The following MMAB variants were observed in gnomAD, a reference collection of about 807,000 sequenced individuals.
The protein encoded by MMAB is corrinoid adenosyltransferase MMAB.
MMAB carries 17 observed loss-of-function variants against 30.6 expected under a neutral mutation model. That is an observed-to-expected ratio of 0.56 (90% CI 0.38 to 0.83). The LOEUF is 0.83. Ranked by LOEUF, MMAB falls within the 40% of genes least tolerant of loss-of-function variation. The pLI is 0.00. For synonymous variants in MMAB, 134 were observed against 138.6 expected (o/e 0.97, Z 0.23); for missense variants, 311 against 331.6 (o/e 0.94, Z 0.48).
chr12:109,569,156 G>C lies in MMAB; in HGVS notation c.197-293C>G, dbSNP rs1019952285. Among the ~76,000 whole-genome samples the C allele has an allele frequency of 1.3e-5, 2 of 151,924 alleles. No homozygotes were observed. Among genetic ancestry groups the C allele is most frequent in the Non-Finnish European group, 2.9e-5 (2 of 68,000 alleles). ...AGACGGGTTTTCGCCCATGTTGGCC[G>C]AGCTAGTCTTGAACTCCTGGTCTCA... On this transcript the variant is annotated intron_variant, in intron 2 of 8. Transcript: ENST00000545712. The surrounding 1 kb of genome is among the most constrained non-coding windows in gnomAD (Gnocchi z 4.1).
chr12:109,554,147 TCAC>T lies in MMAB; in HGVS notation c.*2878_*2880del. The T allele has an allele frequency of 2.2e-6, 1 of 453,856 alleles. No homozygotes were observed. The highest frequency in any genetic ancestry group is 4.4e-6 in the Non-Finnish European group (1 of 226,600). The allele number at this position is 453,856 out of a possible 1,614,324, so 28.1% of individuals were successfully genotyped here. A position where few individuals can be genotyped will look rare whatever the true frequency, so the allele number is the denominator to read the frequency against. ...TGAGTGACGAGGCCGCGTCCGGGGC[TCAC>T]ATCTTGGCACTGACTCCCCAGGACA... On this transcript the variant is annotated 3_prime_UTR_variant, in exon 9 of 9. Transcript: ENST00000545712.
Position 109,569,860 on chromosome 12 carries a change from G to A in MMAB, c.197-997C>T, listed in dbSNP as rs1884575431. 1 of 159,526 alleles carries A rather than the reference G, an allele frequency of 6.3e-6. No homozygotes were observed. The highest frequency in any genetic ancestry group is 2.4e-5 in the African/African-American group (1 of 41,500). The allele number at this position is 159,526 out of a possible 1,614,324, so 9.9% of individuals were successfully genotyped here. A position where few individuals can be genotyped will look rare whatever the true frequency, so the allele number is the denominator to read the frequency against. On this transcript the variant is annotated intron_variant, in intron 2 of 8. Transcript: ENST00000545712. The surrounding 1 kb of genome is among the most constrained non-coding windows in gnomAD (Gnocchi z 4.1). ...CGACTGTGTCCAAACTCCAAAAGAT[G>A]ACCAAACCTCCCCCTTCCCTGGCTA...
chr12:109,572,684 A>G (rs1230120457), intron 1 of MMAB, among the ~76,000 whole-genome samples: 2 of 152,102 alleles, frequency 1.3e-5, no homozygotes, highest in Admixed American at 1.3e-4. Context: ...CCTCCCAAGT[A>G]GCTAGGACTC....
In MMAB at chr12:109,556,646, TCTCACACACACACA is replaced by T. The variant is rs746444302; in HGVS notation, c.*368_*381del. On this transcript the variant is annotated 3_prime_UTR_variant, in exon 9 of 9. Coordinates refer to ENST00000545712, the MANE Select transcript of MMAB (RefSeq NM_052845.4). ...CTGAGCTGGCAGTGGGAGGGCTCTC[TCTCACACACACACA>T]CACACACACACACACACACACACAC... 23 of 427,854 alleles carry T rather than the reference TCTCACACACACACA, an allele frequency of 5.4e-5. No individual in the cohort carries two copies. The highest frequency in any genetic ancestry group is 1.6e-4 in the South Asian group (10 of 61,980). The allele number at this position is 427,854 out of a possible 1,614,324, so 26.5% of individuals were successfully genotyped here. A position where few individuals can be genotyped will look rare whatever the true frequency, so the allele number is the denominator to read the frequency against.
rs2136208377 is a variant in MMAB, at chr12:109,568,840, C to A, written c.220G>T (p.Glu74Ter). The change falls in exon 3 of 9, where the codon GAA becomes TAA. Residue 74 changes from glutamate to a stop codon, truncating the protein, a stop_gained. Coordinates refer to ENST00000545712, the MANE Select transcript of MMAB (RefSeq NM_052845.4). LOFTEE classifies it high-confidence loss of function. ...ACTTGGTCATCTTTGGGTCTCCTTT[C>A]TCCTGTGAAGGTACTAGAAAACCCT... ...DKGFSSTFTG[E>*]RRPKDDQVFE... is the part of the protein sequence containing the mutation. The A allele has an allele frequency of 2.0e-5, 33 of 1,614,060 alleles. No homozygotes were observed. The highest frequency in any genetic ancestry group is 2.7e-5 in the Non-Finnish European group (32 of 1,179,928).
intron 1 of MMAB, among the ~76,000 whole-genome samples, chr12:109,572,169 G>A (rs1884662092): frequency 6.6e-6 from 1 of 152,146 alleles, no homozygotes; most frequent in African/African-American, 2.4e-5. Context: ...AGAGGCAGGA[G>A]TGGGATGCCC....
In MMAB at chr12:109,557,129, C is replaced by T. The variant is rs762457418; in HGVS notation, c.652G>A (p.Asp218Asn). The part of the protein sequence containing the change: ...NVAKFLNRLS[D>N]YLFTLARYAA... ...TATCTGGCTAGCGTGAAGAGATAGT[C>T]ACTGAGTCTGGAGGGGCAGAGAGAG... The change falls in exon 9 of 9, where the codon GAC (aspartate) becomes AAC (asparagine). Residue 218 changes from aspartate to asparagine, a missense_variant. By Grantham distance (23) the Asp-to-Asn change is conservative. Coordinates refer to ENST00000545712, the MANE Select transcript of MMAB (RefSeq NM_052845.4). 10 of 1,610,092 alleles carry T rather than the reference C, an allele frequency of 6.2e-6. No individual in the cohort carries two copies. Among genetic ancestry groups the T allele is most frequent in the Non-Finnish European group, 8.5e-6 (10 of 1,176,280 alleles).
Position 109,556,477 on chromosome 12 carries a change from T to C in MMAB, c.*551A>G, listed in dbSNP as rs1339328813. The C allele has an allele frequency of 2.2e-6, 1 of 453,890 alleles. No homozygotes were observed. The highest frequency in any genetic ancestry group is 2.0e-5 in the African/African-American group (1 of 49,962). The allele number at this position is 453,890 out of a possible 1,614,324, so 28.1% of individuals were successfully genotyped here. A position where few individuals can be genotyped will look rare whatever the true frequency, so the allele number is the denominator to read the frequency against. On this transcript the variant is annotated 3_prime_UTR_variant, in exon 9 of 9. Transcript: ENST00000545712. ...CTATCCTTCCCCCACACTTTGGCGG[T>C]GATGGGTGGCTCAGAGGTGACTAAA...
In MMAB at chr12:109,561,529, A is replaced by G. The variant is rs1004300661; in HGVS notation, c.422-12T>C. Reference sequence around the variant, plus strand: ...GAACGTGGTATACTCTGAGGAGCCAAGGAGCAGAGGGAACTGCCATGAGGC... The same window carrying G: ...GAACGTGGTATACTCTGAGGAGCCAGGGAGCAGAGGGAACTGCCATGAGGC... On this transcript the variant is annotated splice_polypyrimidine_tract_variant and intron_variant, in intron 5 of 8. Coordinates refer to ENST00000545712, the MANE Select transcript of MMAB (RefSeq NM_052845.4). This position sits in a 1 kb window ranked among gnomAD's most constrained non-coding sequence, Gnocchi z 5.3. 7 of 1,545,148 alleles carry G rather than the reference A, an allele frequency of 4.5e-6. No individual in the cohort carries two copies. Among genetic ancestry groups the G allele is most frequent in the Non-Finnish European group, 6.1e-6 (7 of 1,145,344 alleles).
chr12:109,554,094 T>C lies in MMAB; in HGVS notation c.*2934A>G, dbSNP rs1297875539. The C allele has an allele frequency of 4.4e-6, 2 of 454,002 alleles. No homozygotes were observed. Among genetic ancestry groups the C allele is most frequent in the South Asian group, 1.6e-5 (1 of 64,476 alleles). 28.1% of individuals were successfully genotyped at this position (454,002 alleles called of 1,614,324 possible). Reference sequence around the variant, plus strand: ...GATTAAAACGACTGTCAAGCGGCAGTGGGTGGGAGCTGAGGAGCACGGGGC... The same window carrying C: ...GATTAAAACGACTGTCAAGCGGCAGCGGGTGGGAGCTGAGGAGCACGGGGC... On this transcript the variant is annotated 3_prime_UTR_variant, in exon 9 of 9. Coordinates refer to ENST00000545712, the MANE Select transcript of MMAB (RefSeq NM_052845.4).
chr12:109,554,501 A>T lies in MMAB; in HGVS notation c.*2527T>A, dbSNP rs771437485. The T allele has an allele frequency of 4.4e-6, 2 of 454,036 alleles. No homozygotes were observed. Among genetic ancestry groups the T allele is most frequent in the African/African-American group, 4.0e-5 (2 of 50,018 alleles). 28.1% of individuals were successfully genotyped at this position (454,036 alleles called of 1,614,324 possible). A position where few individuals can be genotyped will look rare whatever the true frequency, so the allele number is the denominator to read the frequency against. ...ATTTTCCAAAATCAAATTATGAAAA[A>T]AATCTACGATAAGCAAGGGATCACG... On this transcript the variant is annotated 3_prime_UTR_variant, in exon 9 of 9. Transcript: ENST00000545712.
intron 3 of MMAB, chr12:109,567,887 C>T (rs1884491817): frequency 6.6e-6 from 1 of 152,166 alleles, no homozygotes; most frequent in Non-Finnish European, 1.5e-5. Flanking sequence ...ATTCTCCCAC[C>T]TCGGCCTCCC....
At position 109,559,124 on chromosome 12, in the gene MMAB, C is replaced by G; in HGVS notation, c.616G>C (p.Asp206His). 1 of 1,613,856 alleles carries G rather than the reference C, an allele frequency of 6.2e-7. No individual in the cohort carries two copies. Among genetic ancestry groups the G allele is most frequent in the South Asian group, 1.1e-5 (1 of 91,070 alleles). The part of the protein sequence containing the change: ...VVPLVQMGET[D>H]ANVAKFLNRL... ...TTTAAGAACTTGGCCACGTTCGCAT[C>G]GGTCTCTCCCATCTGGACAAGAGGC... Residue 206 changes from aspartate (D) to histidine (H), a missense_variant, in exon 8 of 9, where the codon GAT becomes CAT. By Grantham distance (81) the Asp-to-His change is moderately conservative. Coordinates refer to ENST00000545712, the MANE Select transcript of MMAB (RefSeq NM_052845.4).
At chr12:109,570,430 G>A (rs1884592324) in intron 2 of MMAB, among the ~76,000 whole-genome samples, 1 of 152,166 alleles carries the variant, frequency 6.6e-6, no homozygotes, top group Admixed American at 6.6e-5. Flanking sequence ...ATACATAACA[G>A]AAATTTTACC....
At chr12:109,564,821 G>C in intron 4 of MMAB, 1 of 509,362 alleles carries the variant, frequency 2.0e-6, no homozygotes, top group East Asian at 3.7e-5. Flanking sequence ...TAAGGCTACA[G>C]GCATTCACCA....
chr12:109,559,157 T>G lies in MMAB; in HGVS notation c.585-2A>C, dbSNP rs1555274254. ...CCCATCTGGACAAGAGGCACCACACTAGAAAGGGAGGAGACACTGAGTCAC... is the reference window on the plus strand; with the variant it reads ...CCCATCTGGACAAGAGGCACCACACGAGAAAGGGAGGAGACACTGAGTCAC... On this transcript the variant is annotated splice_acceptor_variant, in intron 7 of 8. Coordinates refer to ENST00000545712, the MANE Select transcript of MMAB (RefSeq NM_052845.4). LOFTEE classifies it high-confidence loss of function. 6.2e-7 allele frequency: 1 copy of G among 1,612,742 alleles called. No homozygotes were observed. The highest frequency in any genetic ancestry group is 8.5e-7 in the Non-Finnish European group (1 of 1,178,948).
At position 109,556,068 on chromosome 12, in the gene MMAB, T is replaced by C. The variant is rs1255650313; in HGVS notation, c.*960A>G. The stretch of plus-strand genomic sequence containing the variant: ...GTTCTTGGGGCTGCCTCTTCTGCCC[T>C]TCATAAATATTGCCTTTCCCAAGGA... On this transcript the variant is annotated 3_prime_UTR_variant, in exon 9 of 9. Coordinates refer to ENST00000545712, the MANE Select transcript of MMAB (RefSeq NM_052845.4). 2.2e-6 allele frequency: 1 copy of C among 454,044 alleles called. No individual in the cohort carries two copies. The highest frequency in any genetic ancestry group is 4.4e-6 in the Non-Finnish European group (1 of 226,754). 28.1% of individuals were successfully genotyped at this position (454,044 alleles called of 1,614,324 possible).
chr12:109,555,743 A>G lies in MMAB; in HGVS notation c.*1285T>C, dbSNP rs1204203718. 2 of 453,890 alleles carry G rather than the reference A, an allele frequency of 4.4e-6. No individual in the cohort carries two copies. Among genetic ancestry groups the G allele is most frequent in the East Asian group, 1.4e-4 (2 of 14,384 alleles). 28.1% of individuals were successfully genotyped at this position (453,890 alleles called of 1,614,324 possible). A position where few individuals can be genotyped will look rare whatever the true frequency, so the allele number is the denominator to read the frequency against. On this transcript the variant is annotated 3_prime_UTR_variant, in exon 9 of 9. Coordinates refer to ENST00000545712, the MANE Select transcript of MMAB (RefSeq NM_052845.4). ...GGCCATCACAGCCTGTCAGCAATGA[A>G]AGGACCCAGAAGACACAAGTGAATA...
intron 3 of MMAB, among the ~76,000 whole-genome samples, chr12:109,567,344 C>G (rs1457873026): frequency 6.6e-6 from 1 of 152,144 alleles, no homozygotes; most frequent in African/African-American, 2.4e-5. Flanking sequence ...ACAGAGGCCA[C>G]GTGATTTACC....
Sources: gnomAD v4.1 joint callset for allele counts (sites outside exome capture counted in the v4.1 genomes callset) on GRCh38, gnomAD v4.1.1 for gene constraint, Gnocchi (gnomAD v3.1) non-coding constraint, MANE v1.5 for transcripts, NCBI Gene and HGNC (gene_info 2026-07-23, HGNC 2026-07-21) for gene names.